BBOX1: variants seen among roughly 807,000 people sequenced by gnomAD.
BBOX1 encodes gamma-butyrobetaine hydroxylase 1.
A neutral mutation model predicts 41.6 loss-of-function variants in BBOX1; 35 were observed. The ratio of observed to expected loss-of-function variants is 0.84; its 90% CI spans 0.64 to 1.11. BBOX1 has a LOEUF of 1.11. BBOX1 is among the 50% of genes most tolerant of loss of function. BBOX1 has a pLI of 0.00. For synonymous variants in BBOX1, 163 were observed against 154.7 expected, an observed-to-expected ratio of 1.05 and a Z score of -0.40; for missense variants, 458 against 460.6, an observed-to-expected ratio of 0.99 and a Z score of 0.05.
chr11:27,051,040 T>A (rs1015484669), intron 2 of BBOX1, among the ~76,000 whole-genome samples: 1 of 152,084 alleles, frequency 6.6e-6, no homozygotes, highest in Admixed American at 6.6e-5. Flanking sequence ...ATTATTATCA[T>A]AAAAGGATGT....
At chr11:27,112,222 A>G (rs561188841) in intron 5 of BBOX1, among the ~76,000 whole-genome samples, 69 of 152,096 alleles carry the variant, frequency 4.5e-4, no homozygotes, top group African/African-American at 1.6e-3. Flanking sequence ...CTTAAAGCAT[A>G]TAGCAGTTGT....
At chr11:27,069,116 A>T (rs1857371037) in intron 4 of BBOX1, among the ~76,000 whole-genome samples, 1 of 151,914 alleles carries the variant, frequency 6.6e-6, no homozygotes, top group Middle Eastern at 3.2e-3. Flanking sequence ...TTCTGGGAAG[A>T]ATAATGTTGA....
rs556485306 is a variant in BBOX1, at chr11:27,044,012, T to C, written c.-39+2534T>C. 2.0e-5 allele frequency among the ~76,000 whole-genome samples: 3 copies of C among 152,320 alleles called. No homozygotes were observed. In the East Asian group the frequency reaches 5.8e-4, roughly 29 times the overall value. On this transcript the variant is annotated intron_variant, in intron 2 of 8. Coordinates refer to ENST00000263182, the MANE Select transcript of BBOX1 (RefSeq NM_003986.3). ...TTCCTGGTTCTAGATCCTTGAGGAA[T>C]TGCCACACTGTCTTCCACAATGTTT...
intron 4 of BBOX1, among the ~76,000 whole-genome samples, chr11:27,059,740 A>C (rs929160498): frequency 6.6e-6 from 1 of 152,176 alleles, no homozygotes; most frequent in Non-Finnish European, 1.5e-5. Context: ...AAAGGAGATA[A>C]TTTTGGAGCC....
At chr11:27,095,346 G>T (rs368431313) in intron 5 of BBOX1, among the ~76,000 whole-genome samples, 7 of 151,404 alleles carry the variant, frequency 4.6e-5, no homozygotes, top group African/African-American at 7.3e-5. Flanking sequence ...ATCACACTAG[G>T]GGTCACAATC....
chr11:27,081,421 C>T (rs538129416), intron 4 of BBOX1, among the ~76,000 whole-genome samples: 238 of 152,136 alleles, frequency 1.6e-3, no homozygotes, highest in African/African-American at 5.4e-3. Context: ...TTCTATAGTG[C>T]ATATGTGCCA....
At chr11:27,108,065 T>G (rs1044518263) in intron 5 of BBOX1, among the ~76,000 whole-genome samples, 1 of 152,076 alleles carries the variant, frequency 6.6e-6, no homozygotes, top group Non-Finnish European at 1.5e-5. Context: ...GATAGACTTT[T>G]AGGCTACACA....
intron 2 of BBOX1, among the ~76,000 whole-genome samples, chr11:27,043,765 ACATGAACT>A (rs1174130665): frequency 2.7e-5 from 4 of 149,314 alleles, no homozygotes; most frequent in Non-Finnish European, 5.9e-5. Flanking sequence ...CCTGCGGAGG[ACATGAACT>A]CATCCTTTTT....
chr11:27,055,922 T>A (rs945646084), intron 3 of BBOX1, among the ~76,000 whole-genome samples: 17 of 152,180 alleles, frequency 1.1e-4, no homozygotes, highest in African/African-American at 4.1e-4. Context: ...CAAGGCTTGT[T>A]CTGGGATTCC....
intron 4 of BBOX1, among the ~76,000 whole-genome samples, chr11:27,088,925 T>C (rs1040068437): frequency 2.0e-5 from 3 of 152,046 alleles, no homozygotes; most frequent in Non-Finnish European, 4.4e-5. Flanking sequence ...GCTATTATTA[T>C]TGATACTATG....
chr11:27,108,077 C>T (rs1215777907), intron 5 of BBOX1, among the ~76,000 whole-genome samples: 1 of 152,060 alleles, frequency 6.6e-6, no homozygotes, highest in African/African-American at 2.4e-5. Flanking sequence ...GGCTACACAT[C>T]CCATACTGTG....
intron 4 of BBOX1, chr11:27,063,045 T>C (rs890264386): frequency 6.6e-6 from 1 of 152,300 alleles, no homozygotes; most frequent in Non-Finnish European, 1.5e-5. Flanking sequence ...AACCGTAGCA[T>C]GACCTAGAAA....
intron 4 of BBOX1, among the ~76,000 whole-genome samples, chr11:27,077,719 T>C (rs559015719): frequency 6.6e-6 from 1 of 152,282 alleles, no homozygotes; most frequent in South Asian, 2.1e-4. Context: ...TGCTTTCTCA[T>C]TGTCTCCCAT....
At chr11:27,043,459 C>CAGAATGTGCAGGTTTGGTGTACAT (rs1564948369) in intron 2 of BBOX1, among the ~76,000 whole-genome samples, 1 of 151,306 alleles carries the variant, frequency 6.6e-6, no homozygotes, top group Non-Finnish European at 1.5e-5. Flanking sequence ...TTGGGGTACA[C>CAGAATGTGCAGGTTTGGTGTACAT]GTGCAGAATG....
Position 27,055,600 on chromosome 11 carries a change from C to A in BBOX1, c.170C>A (p.Ala57Asp). The change falls in exon 3 of 9, where the codon GCT becomes GAT. Residue 57 changes from alanine (A) to aspartate (D), a missense_variant. Transcript: ENST00000263182. The stretch of plus-strand genomic sequence containing the variant: ...AAAGCACGGAAACTTCTAGTGGAAG[C>A]TCTTGATGTGAACATTGGAATTAAA... ...SAKARKLLVE[A>D]LDVNIGIKGL... 6.2e-7 allele frequency: 1 copy of A among 1,614,122 alleles called. No individual in the cohort carries two copies. The highest frequency in any genetic ancestry group is 8.5e-7 in the Non-Finnish European group (1 of 1,180,014).
intron 4 of BBOX1, among the ~76,000 whole-genome samples, chr11:27,077,952 C>T (rs1857692371): frequency 6.6e-6 from 1 of 152,058 alleles, no homozygotes; most frequent in Admixed American, 6.5e-5. Flanking sequence ...AATCATCTCT[C>T]GTTCCCCTTG....
chr11:27,068,414 G>T (rs1857352377), intron 4 of BBOX1, among the ~76,000 whole-genome samples: 1 of 151,902 alleles, frequency 6.6e-6, no homozygotes, highest in African/African-American at 2.4e-5. Flanking sequence ...ACGTTTTGAT[G>T]GGGTTGTTTT....
intron 4 of BBOX1, among the ~76,000 whole-genome samples, chr11:27,080,312 CCT>C (rs1044275441): frequency 1.3e-5 from 2 of 152,002 alleles, no homozygotes; most frequent in Admixed American, 6.6e-5. Context: ...TTGTATGGGT[CCT>C]CTCTCTGTCA....
chr11:27,069,429 G>A (rs1857378582), intron 4 of BBOX1, among the ~76,000 whole-genome samples: 2 of 152,108 alleles, frequency 1.3e-5, no homozygotes, highest in South Asian at 2.1e-4. Context: ...TTTGTAACCT[G>A]AGACTTCACT....
Sources: allele counts gnomAD v4.1 joint callset (sites outside exome capture counted in the v4.1 genomes callset), GRCh38; gene constraint gnomAD v4.1.1; transcripts MANE v1.5; gene names NCBI Gene and HGNC (gene_info 2026-07-23, HGNC 2026-07-21).